C2CD3: variants seen among roughly 807,000 people sequenced by gnomAD.
C2CD3 encodes the protein C2 domain containing 3 centriole elongation regulator, also known as C2 domain-containing protein 3.
A neutral mutation model predicts 234.0 loss-of-function variants in C2CD3; 148 were observed. That is an observed-to-expected ratio of 0.63 (90% CI 0.55 to 0.72). The LOEUF (loss-of-function observed/expected upper bound fraction) is 0.72. C2CD3 is among the 30% of genes least tolerant of loss of function. The pLI, the probability that C2CD3 is intolerant of heterozygous loss-of-function variation, is 0.00. For missense variants in C2CD3, 2,577 were observed against 2,811.5 expected, an observed-to-expected ratio of 0.92 and a Z score of 1.89; for synonymous variants, 1,000 against 1,035.4, an observed-to-expected ratio of 0.97 and a Z score of 0.66.
In C2CD3 at chr11:74,013,051, C is replaced by A. The variant is rs1469883817; in HGVS notation, c.*334G>T. ...TCTTCAGGCAGAGGGTGGGCTCATGCCAGCAGTCAGCTGTGTCAAGGACAC... is the reference window on the plus strand; with the variant it reads ...TCTTCAGGCAGAGGGTGGGCTCATGACAGCAGTCAGCTGTGTCAAGGACAC... On this transcript the variant is annotated 3_prime_UTR_variant, in exon 33 of 33. Coordinates refer to ENST00000334126, the MANE Select transcript of C2CD3 (RefSeq NM_001286577.2). The A allele has an allele frequency of 5.9e-6, 1 of 168,446 alleles. No homozygotes were observed. Among genetic ancestry groups the A allele is most frequent in the African/African-American group, 2.4e-5 (1 of 42,104 alleles). 10.4% of individuals were successfully genotyped at this position (168,446 alleles called of 1,614,324 possible).
At chr11:74,108,571 T>C (rs1187592403) in intron 12 of C2CD3, among the ~76,000 whole-genome samples, 4 of 152,166 alleles carry the variant, frequency 2.6e-5, no homozygotes, top group Non-Finnish European at 5.9e-5. Context: ...AAACAGGAAG[T>C]AGAACCTCAA....
At chr11:74,120,291 C>G (rs1342943984) in intron 8 of C2CD3, among the ~76,000 whole-genome samples, 1 of 152,094 alleles carries the variant, frequency 6.6e-6, no homozygotes, top group East Asian at 1.9e-4. Flanking sequence ...CCCAACCACC[C>G]TACAGGCCCT....
At chr11:74,165,546 C>T (rs979223762) in intron 2 of C2CD3, among the ~76,000 whole-genome samples, 8 of 152,030 alleles carry the variant, frequency 5.3e-5, no homozygotes, top group African/African-American at 7.2e-5. Context: ...AATAATAATG[C>T]GAATACCTAC....
intron 25 of C2CD3, among the ~76,000 whole-genome samples, chr11:74,056,218 T>A (rs1276611030): frequency 6.6e-6 from 1 of 152,230 alleles, no homozygotes; most frequent in Non-Finnish European, 1.5e-5. Context: ...ACACCATGGG[T>A]ATGGCTAGTG....
chr11:74,048,971 A>G (rs1275684921), intron 27 of C2CD3, among the ~76,000 whole-genome samples: 1 of 152,198 alleles, frequency 6.6e-6, no homozygotes, highest in East Asian at 1.9e-4. Flanking sequence ...TCTTTCAATT[A>G]TTTTTTTAAA....
chr11:74,015,532 C>T (rs76873337), intron 32 of C2CD3, among the ~76,000 whole-genome samples: 4 of 152,276 alleles, frequency 2.6e-5, no homozygotes, highest in East Asian at 1.9e-4. Flanking sequence ...TCTGGGTCAT[C>T]AGTTGTATCT....
chr11:74,089,865 TAAAG>T (rs1474033588), intron 20 of C2CD3, among the ~76,000 whole-genome samples: 1 of 151,998 alleles, frequency 6.6e-6, no homozygotes, highest in Non-Finnish European at 1.5e-5. Flanking sequence ...TACAAAGAAA[TAAAG>T]AGAGACTGTA....
chr11:74,125,444 T>C (rs1957380039), intron 7 of C2CD3, among the ~76,000 whole-genome samples: 4 of 152,194 alleles, frequency 2.6e-5, no homozygotes, highest in Admixed American at 2.6e-4. Flanking sequence ...TGAGCCCCCA[T>C]GCCTGGCTTT....
intron 7 of C2CD3, among the ~76,000 whole-genome samples, chr11:74,125,121 A>G (rs944236053): frequency 6.6e-6 from 1 of 152,190 alleles, no homozygotes; most frequent in African/African-American, 2.4e-5. Context: ...GATCACTTTC[A>G]ATTCCCTTGG....
At position 74,168,146 on chromosome 11, in the gene C2CD3, G is replaced by A. The variant is rs576782941; in HGVS notation, c.325+198C>T. ...TTCAGGGTTATTGTAAGGATTAGAAGTAATACATTTCAAAACTGCTGGCAC... is the reference window on the plus strand; with the variant it reads ...TTCAGGGTTATTGTAAGGATTAGAAATAATACATTTCAAAACTGCTGGCAC... On this transcript the variant is annotated intron_variant, in intron 2 of 32. Transcript: ENST00000334126. 5.4e-5 allele frequency: 31 copies of A among 574,144 alleles called. No homozygotes were observed. In the East Asian group the frequency reaches 8.3e-4, roughly 15 times the overall value. 35.6% of individuals were successfully genotyped at this position (574,144 alleles called of 1,614,324 possible). A position where few individuals can be genotyped will look rare whatever the true frequency, so the allele number is the denominator to read the frequency against.
chr11:74,082,680 G>A (rs574828419), intron 22 of C2CD3, among the ~76,000 whole-genome samples: 4 of 151,868 alleles, frequency 2.6e-5, no homozygotes, highest in African/African-American at 7.2e-5. Flanking sequence ...TGCTGGATTC[G>A]CCCCCCTGTC....
chr11:74,052,608 G>T (rs1953750914), intron 26 of C2CD3, among the ~76,000 whole-genome samples: 1 of 152,184 alleles, frequency 6.6e-6, no homozygotes, highest in Non-Finnish European at 1.5e-5. Context: ...TAGAAAGGAG[G>T]GTGGAGCCCA....
At chr11:74,150,172 T>G (rs1398638315) in intron 3 of C2CD3, among the ~76,000 whole-genome samples, 1 of 151,040 alleles carries the variant, frequency 6.6e-6, no homozygotes, top group Non-Finnish European at 1.5e-5. Context: ...AAAAAAAAAT[T>G]GATATCAAGA....
chr11:74,041,467 G>A (rs1953054009), intron 29 of C2CD3, among the ~76,000 whole-genome samples: 1 of 152,048 alleles, frequency 6.6e-6, no homozygotes, highest in Non-Finnish European at 1.5e-5. Context: ...CTTGGCCAGG[G>A]AAATTGCAGC....
intron 3 of C2CD3, among the ~76,000 whole-genome samples, chr11:74,145,691 G>A (rs1165801957): frequency 6.6e-6 from 1 of 152,004 alleles, no homozygotes; most frequent in Non-Finnish European, 1.5e-5. Flanking sequence ...TTTACATTGA[G>A]GTCTTCAGTC....
At chr11:74,026,203 G>A (rs1296370235) in intron 32 of C2CD3, among the ~76,000 whole-genome samples, 2 of 152,120 alleles carry the variant, frequency 1.3e-5, no homozygotes, top group Admixed American at 6.5e-5. Flanking sequence ...AGCTACTCGA[G>A]AGGCTGAGGC....
chr11:74,117,387 T>C (rs1450247866), intron 9 of C2CD3, among the ~76,000 whole-genome samples: 1 of 135,780 alleles, frequency 7.4e-6, no homozygotes, highest in African/African-American at 2.8e-5. Context: ...TATATATATA[T>C]ATATGGAATA....
Position 74,013,191 on chromosome 11 carries a change from T to G in C2CD3, c.*194A>C. 1 of 371,580 alleles carries G rather than the reference T, an allele frequency of 2.7e-6. No homozygotes were observed. The highest frequency in any genetic ancestry group is 3.9e-5 in the East Asian group (1 of 25,628). 23.0% of individuals were successfully genotyped at this position (371,580 alleles called of 1,614,324 possible). Reference sequence around the variant, plus strand: ...AAAAAGGAGCTGAAATTCTGGCAAGTGGACACTGGACTGGTTTGGGGCACT... The same window carrying G: ...AAAAAGGAGCTGAAATTCTGGCAAGGGGACACTGGACTGGTTTGGGGCACT... On this transcript the variant is annotated 3_prime_UTR_variant, in exon 33 of 33. Transcript: ENST00000334126.
chr11:74,128,570 T>C (rs2135530507), intron 7 of C2CD3: 1 of 152,604 alleles, frequency 6.6e-6, no homozygotes, highest in Non-Finnish European at 1.5e-5. Flanking sequence ...TTTTTATTGA[T>C]CATTCTTGGG....
Sources: allele counts gnomAD v4.1 joint callset (sites outside exome capture counted in the v4.1 genomes callset), GRCh38; gene constraint gnomAD v4.1.1; transcripts MANE v1.5; gene names NCBI Gene and HGNC (gene_info 2026-07-23, HGNC 2026-07-21).